Variants in MIX23 observed in about 807,000 individuals in gnomAD.
MIX23 encodes the protein protein MIX23.
In MIX23, 13 loss-of-function variants were observed where a neutral mutation model predicts 21.6. The observed-to-expected ratio is 0.60, with a 90% CI of 0.39 to 0.96. The LOEUF (loss-of-function observed/expected upper bound fraction) is 0.96, where lower values mean the gene tolerates loss of function less well. Among genes scored for constraint, MIX23 ranks in the 40% least tolerant of loss-of-function variants. MIX23 has a pLI of 0.00. For synonymous variants in MIX23, 59 were observed against 58.0 expected (o/e 1.02, Z -0.08); for missense variants, 144 against 171.2 (o/e 0.84, Z 0.89).
At chr3:122,376,470 AT>A (rs2075487966) in intron 1 of MIX23, among the ~76,000 whole-genome samples, 1 of 151,862 alleles carries the variant, frequency 6.6e-6, no homozygotes, top group Admixed American at 6.6e-5. Context: ...ATACAAAAAA[AT>A]AGCTGGGTGT....
At chr3:122,365,099 G>A (rs926970107) in intron 3 of MIX23, among the ~76,000 whole-genome samples, 1 of 152,188 alleles carries the variant, frequency 6.6e-6, no homozygotes, top group Non-Finnish European at 1.5e-5. Flanking sequence ...TGAGACTGTA[G>A]GTCTTCAACA....
rs188989101 is a variant in MIX23 at position 122,372,845 on chromosome 3, C to T, written c.52-1045G>A. On this transcript the variant is annotated intron_variant, in intron 1 of 4. Transcript: ENST00000291458. ...CCCTGTCTCTTAAAAAAAGAAAGAACGAATGAAAATAAAACAGAATTATAT... is the reference window on the plus strand; with the variant it reads ...CCCTGTCTCTTAAAAAAAGAAAGAATGAATGAAAATAAAACAGAATTATAT... 7.7e-3 allele frequency: 1,810 copies of T among 234,358 alleles called. 12 individuals are homozygous for T. Among genetic ancestry groups the T allele is most frequent in the Non-Finnish European group, 9.4e-3 (1,124 of 119,218 alleles). 14.5% of individuals were successfully genotyped at this position (234,358 alleles called of 1,614,324 possible).
intron 4 of MIX23, among the ~76,000 whole-genome samples, chr3:122,361,093 C>T (rs908969288): frequency 6.6e-6 from 1 of 152,192 alleles, no homozygotes; most frequent in African/African-American, 2.4e-5. Flanking sequence ...GACCCACTCA[C>T]CTCGGCCTCC....
chr3:122,362,317 C>G (rs768788643), intron 4 of MIX23, among the ~76,000 whole-genome samples: 1 of 152,054 alleles, frequency 6.6e-6, no homozygotes, highest in African/African-American at 2.4e-5. Flanking sequence ...CTCAAAAAGG[C>G]TAATTTGAAC....
chr3:122,362,883 C>T (rs2075369020), intron 4 of MIX23, 85 bp downstream of exon 4: 1 of 1,005,768 alleles, frequency 9.9e-7, no homozygotes, highest in Non-Finnish European at 1.5e-6. Flanking sequence ...AGCCTCAAGG[C>T]ACTCTTTACT....
At chr3:122,374,122 A>ATTTT (rs1300831366) in intron 1 of MIX23, among the ~76,000 whole-genome samples, 27 of 109,610 alleles carry the variant, frequency 2.5e-4, no homozygotes, top group Non-Finnish European at 3.9e-4. Context: ...TTTTTTTTAA[A>ATTTT]AAAAAAGCCT....
At chr3:122,371,887 G>A in intron 1 of MIX23, 87 bp from the exon 2 acceptor site, 1 of 1,136,132 alleles carries the variant, frequency 8.8e-7, no homozygotes, top group Non-Finnish European at 1.2e-6. Context: ...AAAGCTCTTG[G>A]ATATTTTACA....
chr3:122,376,836 G>C (rs2075491249), intron 1 of MIX23, among the ~76,000 whole-genome samples: 1 of 152,128 alleles, frequency 6.6e-6, no homozygotes. Flanking sequence ...AGGAAGGTGG[G>C]GGGTGAAAAA....
intron 1 of MIX23, among the ~76,000 whole-genome samples, chr3:122,373,249 T>C (rs1280452885): frequency 6.6e-6 from 1 of 151,856 alleles, no homozygotes; most frequent in Non-Finnish European, 1.5e-5. Flanking sequence ...ATGAGCATAA[T>C]ATAATGTTGC....
chr3:122,362,098 A>G (rs574642514), intron 4 of MIX23, among the ~76,000 whole-genome samples: 1 of 152,344 alleles, frequency 6.6e-6, no homozygotes, highest in Admixed American at 6.5e-5. Flanking sequence ...AATTTTGACT[A>G]TATGTTTCTG....
At position 122,383,194 on chromosome 3, in the gene MIX23, C is replaced by T. The variant is rs752396749; in HGVS notation, c.31G>A (p.Glu11Lys). 2 of 1,613,476 alleles carry T rather than the reference C, an allele frequency of 1.2e-6. No individual in the cohort carries two copies. The highest frequency in any genetic ancestry group is 2.2e-5 in the South Asian group (2 of 91,046). Residue 11 changes from glutamate (E) to lysine (K), a missense_variant, in exon 1 of 5, where the codon GAG (glutamate) becomes AAG (lysine). Coordinates refer to ENST00000291458, the MANE Select transcript of MIX23 (RefSeq NM_001017928.4). The part of the protein sequence containing the change: MAAPSGGVNC[E>K]EFAEFQELLK... ...ATCACCTGGAACTCGGCGAACTCCT[C>T]ACAGTTCACACCGCCACTGGGCGCC...
chr3:122,383,170 T>A lies in MIX23; in HGVS notation c.51+4A>T, dbSNP rs773763348. 6.2e-7 allele frequency: 1 copy of A among 1,613,760 alleles called. No homozygotes were observed. The highest frequency in any genetic ancestry group is 8.5e-7 in the Non-Finnish European group (1 of 1,180,004). On this transcript the variant is annotated splice_donor_region_variant and intron_variant, in intron 1 of 4. Coordinates refer to ENST00000291458, the MANE Select transcript of MIX23 (RefSeq NM_001017928.4). ...TGCCTGCCACATGAGGAAAACCCCATCACCTGGAACTCGGCGAACTCCTCA... is the reference window on the plus strand; with the variant it reads ...TGCCTGCCACATGAGGAAAACCCCAACACCTGGAACTCGGCGAACTCCTCA...
chr3:122,359,998 G>T (rs2075346407), intron 4 of MIX23, 79 bp from the exon 5 acceptor site: 2 of 1,291,970 alleles, frequency 1.5e-6, no homozygotes, highest in Non-Finnish European at 2.2e-6. Flanking sequence ...AATTTAGTAG[G>T]CTCCAAAAGG....
At chr3:122,378,212 T>C (rs2075503499) in intron 1 of MIX23, among the ~76,000 whole-genome samples, 1 of 152,210 alleles carries the variant, frequency 6.6e-6, no homozygotes, top group African/African-American at 2.4e-5. Context: ...ACGTGAAAGA[T>C]TACATCGTTT....
rs773763348 is a variant in MIX23 at position 122,383,170 on chromosome 3, T to C, written c.51+4A>G. Reference sequence around the variant, plus strand: ...TGCCTGCCACATGAGGAAAACCCCATCACCTGGAACTCGGCGAACTCCTCA... The same window carrying C: ...TGCCTGCCACATGAGGAAAACCCCACCACCTGGAACTCGGCGAACTCCTCA... On this transcript the variant is annotated splice_donor_region_variant and intron_variant, in intron 1 of 4. Coordinates refer to ENST00000291458, the MANE Select transcript of MIX23 (RefSeq NM_001017928.4). The C allele has an allele frequency of 6.2e-7, 1 of 1,613,760 alleles. No individual in the cohort carries two copies. The highest frequency in any genetic ancestry group is 8.5e-7 in the Non-Finnish European group (1 of 1,180,004).
At chr3:122,377,460 A>C (rs995096588) in intron 1 of MIX23, among the ~76,000 whole-genome samples, 15 of 152,240 alleles carry the variant, frequency 9.9e-5, no homozygotes, top group African/African-American at 3.6e-4. Context: ...GAATTCTTAC[A>C]TCTAAAAGTA....
intron 4 of MIX23, among the ~76,000 whole-genome samples, chr3:122,361,044 C>G (rs1262083987): frequency 6.6e-6 from 1 of 152,104 alleles, no homozygotes; most frequent in Non-Finnish European, 1.5e-5. Context: ...GGGGTTTCAC[C>G]CTGTTGGTCA....
At chr3:122,363,442 C>T (rs1275097720) in intron 3 of MIX23, among the ~76,000 whole-genome samples, 1 of 151,822 alleles carries the variant, frequency 6.6e-6, no homozygotes, top group Non-Finnish European at 1.5e-5. Flanking sequence ...AAAAGATATA[C>T]TCATATATTC....
At chr3:122,362,704 T>G (rs946763318) in intron 4 of MIX23, among the ~76,000 whole-genome samples, 62 of 152,246 alleles carry the variant, frequency 4.1e-4, no homozygotes, top group Non-Finnish European at 6.8e-4. Context: ...CCTCCCAAAG[T>G]GTTGGGATTA....
Sources: allele counts gnomAD v4.1 joint callset (sites outside exome capture counted in the v4.1 genomes callset), GRCh38; gene constraint gnomAD v4.1.1; transcripts MANE v1.5; gene names NCBI Gene and HGNC (gene_info 2026-07-23, HGNC 2026-07-21).